The following TEKTIP1 variants were observed in gnomAD, a reference collection of about 807,000 sequenced individuals.
TEKTIP1 encodes tektin bundle interacting protein 1, also known as tektin bundle-interacting protein 1.
At chr19:3,541,774 G>A in the TEKTIP1 span, 3 of 985,222 alleles carry the variant, frequency 3.0e-6, no homozygotes, top group African/African-American at 1.7e-5. Flanking sequence ...CGACAGCAGG[G>A]GTGAGGGGCT....
chr19:3,539,347 T>G, the TEKTIP1 span: 1 of 629,114 alleles, frequency 1.6e-6, no homozygotes, highest in South Asian at 1.6e-5. Flanking sequence ...TGGTTTGGGG[T>G]CTTGCACGTG....
chr19:3,539,753 G>A, the TEKTIP1 span: 6 of 159,860 alleles, frequency 3.8e-5, no homozygotes, highest in African/African-American at 9.6e-5. Context: ...ATCCTAACAC[G>A]GGGTGACCTC....
the TEKTIP1 span, chr19:3,543,212 C>G: frequency 3.3e-6 from 5 of 1,537,694 alleles, no homozygotes; most frequent in African/African-American, 2.7e-5. Flanking sequence ...TGGGCTCAGT[C>G]TCTGCCCCCT....
At chr19:3,539,175 G>A in the TEKTIP1 span, 6 of 1,549,464 alleles carry the variant, frequency 3.9e-6, no homozygotes, top group East Asian at 1.5e-4. Flanking sequence ...GATCCAGGCA[G>A]ACATGCAAAC....
chr19:3,543,660 C>A, the TEKTIP1 span: 1 of 1,540,776 alleles, frequency 6.5e-7, no homozygotes, highest in Non-Finnish European at 8.7e-7. Flanking sequence ...AAAGACAGGC[C>A]AATCCGGGGC....
At chr19:3,543,835 A>G in the TEKTIP1 span, 155 of 1,532,758 alleles carry the variant, frequency 1.0e-4, no homozygotes, top group Non-Finnish European at 1.3e-4. Flanking sequence ...ACAGTGCTCA[A>G]CAGGAACCGG....
chr19:3,543,159 C>T, the TEKTIP1 span: 1 of 1,516,580 alleles, frequency 6.6e-7, no homozygotes, highest in African/African-American at 1.4e-5. Context: ...CATCATCCAC[C>T]CTGGCAGACA....
the TEKTIP1 span, chr19:3,541,484 G>C: frequency 6.0e-6 from 1 of 165,598 alleles, no homozygotes; most frequent in Non-Finnish European, 1.2e-5. Context: ...CACCACGCCC[G>C]GCTAATTTTT....
chr19:3,543,519 G>T, the TEKTIP1 span: 13 of 1,529,372 alleles, frequency 8.5e-6, no homozygotes, highest in Middle Eastern at 2.3e-4. Flanking sequence ...TGCCAGAGGG[G>T]GACAGGAATG....
At chr19:3,539,222 G>C in the TEKTIP1 span, 2 of 1,550,512 alleles carry the variant, frequency 1.3e-6, no homozygotes, top group Admixed American at 2.0e-5. Flanking sequence ...GTATCCCCTC[G>C]GGGACCCTCG....
chr19:3,543,622 C>A, the TEKTIP1 span: 1 of 1,544,770 alleles, frequency 6.5e-7, no homozygotes, highest in Admixed American at 2.0e-5. Context: ...ACCAGGCCCC[C>A]AGCACCCGGT....
the TEKTIP1 span, chr19:3,542,085 C>G: frequency 1.0e-6 from 1 of 980,020 alleles, no homozygotes; most frequent in Non-Finnish European, 1.2e-6. Context: ...GCTGGGATTA[C>G]AGGCATGAGC....
the TEKTIP1 span, chr19:3,543,543 G>T: frequency 4.1e-6 from 5 of 1,216,400 alleles, no homozygotes; most frequent in Non-Finnish European, 3.2e-6. Flanking sequence ...GCCAGCCCCC[G>T]CCCCACCGCA....
chr19:3,540,923 CAT>C, the TEKTIP1 span, among the ~76,000 whole-genome samples: 5 of 146,800 alleles, frequency 3.4e-5, no homozygotes, highest in South Asian at 2.1e-4. Flanking sequence ...GTAATCCCCA[CAT>C]TTTGGGAGGC....
At chr19:3,540,405 G>C in the TEKTIP1 span, among the ~76,000 whole-genome samples, 1 of 151,670 alleles carries the variant, frequency 6.6e-6, no homozygotes, top group Non-Finnish European at 1.5e-5. Flanking sequence ...TTACAGGCAT[G>C]CGCTACCATG....
chr19:3,540,089 C>CTTTTTTTTTTTTTTTTTTTTT, the TEKTIP1 span: 2 of 88,190 alleles, frequency 2.3e-5, no homozygotes, highest in African/African-American at 7.8e-5. Flanking sequence ...CATCTCTTTT[C>CTTTTTTTTTTTTTTTTTTTTT]TTTTTTTTTT....
the TEKTIP1 span, chr19:3,543,490 C>CCG: frequency 5.3e-6 from 8 of 1,519,400 alleles, no homozygotes; most frequent in Non-Finnish European, 7.1e-6. Context: ...GCCCCCCCCC[C>CCG]CGCCCTGGGC....
At chr19:3,543,824 T>C in the TEKTIP1 span, 6 of 1,523,418 alleles carry the variant, frequency 3.9e-6, no homozygotes, top group Non-Finnish European at 5.3e-6. Context: ...GAGTCCCACC[T>C]ACAGTGCTCA....
At chr19:3,544,020 ACCAGGATGCAC>A in the TEKTIP1 span, 1 of 1,525,798 alleles carries the variant, frequency 6.6e-7, no homozygotes, top group Non-Finnish European at 8.8e-7. Context: ...AAGGCATGCT[ACCAGGATGCAC>A]CCACTGTCTC....
Sources: gnomAD v4.1 joint callset for allele counts (sites outside exome capture counted in the v4.1 genomes callset) on GRCh38, gnomAD v4.1.1 for gene constraint, MANE v1.5 for transcripts, NCBI Gene and HGNC (gene_info 2026-07-23, HGNC 2026-07-21) for gene names.